Variants in ASTN2 observed in about 807,000 individuals in gnomAD.
ASTN2 encodes the protein astrotactin-2.
Under a neutral mutation model 139.8 loss-of-function variants are expected in ASTN2, and 54 were observed. The observed-to-expected ratio is 0.39, with a 90% CI of 0.31 to 0.48. The LOEUF (loss-of-function observed/expected upper bound fraction) is 0.48. ASTN2 is among the 20% of genes least tolerant of loss of function. ASTN2 has a pLI of 0.95. For synonymous variants in ASTN2, 756 were observed against 719.5 expected (o/e 1.05, Z -0.81); for missense variants, 1,565 against 1,725.1 (o/e 0.91, Z 1.64).
At chr9:117,404,909 G>A (rs1830939515) in intron 1 of ASTN2, among the ~76,000 whole-genome samples, 1 of 152,096 alleles carries the variant, frequency 6.6e-6, no homozygotes, top group Non-Finnish European at 1.5e-5. Flanking sequence ...AAAGAATAGA[G>A]GGAGGGAAGG....
intron 1 of ASTN2, among the ~76,000 whole-genome samples, chr9:117,317,524 C>T (rs1278618073): frequency 2.0e-5 from 3 of 152,268 alleles, no homozygotes; most frequent in Middle Eastern, 3.4e-3. Flanking sequence ...TAACTGGTTC[C>T]AAGATAGCTA....
intron 10 of ASTN2, among the ~76,000 whole-genome samples, chr9:116,875,953 C>G (rs1833285178): frequency 6.6e-6 from 1 of 152,080 alleles, no homozygotes; most frequent in African/African-American, 2.4e-5. Context: ...ACACAGCATC[C>G]TTTTTTGCAG....
intron 4 of ASTN2, among the ~76,000 whole-genome samples, chr9:117,112,383 T>A (rs1000913696): frequency 1.4e-4 from 21 of 152,148 alleles, no homozygotes; most frequent in Non-Finnish European, 1.9e-4. Flanking sequence ...TGCTTGTTTT[T>A]AAGATCTATT....
At chr9:117,291,818 T>G (rs1443701166) in intron 1 of ASTN2, among the ~76,000 whole-genome samples, 1 of 152,200 alleles carries the variant, frequency 6.6e-6, no homozygotes, top group Admixed American at 6.5e-5. Context: ...GGAATGAAAC[T>G]AAGGATAAAA....
chr9:117,043,567 G>C (rs1838642162), intron 5 of ASTN2, among the ~76,000 whole-genome samples: 1 of 152,134 alleles, frequency 6.6e-6, no homozygotes, highest in Non-Finnish European at 1.5e-5. Flanking sequence ...GGACTAAATT[G>C]TGTCTCCTAT....
At chr9:117,254,068 G>T (rs1053217291) in intron 2 of ASTN2, among the ~76,000 whole-genome samples, 1 of 152,092 alleles carries the variant, frequency 6.6e-6, no homozygotes, top group African/African-American at 2.4e-5. Flanking sequence ...AGGTTCCAAC[G>T]CCAGCTTTGC....
intron 4 of ASTN2, among the ~76,000 whole-genome samples, chr9:117,110,965 G>A (rs1829234580): frequency 6.6e-6 from 1 of 152,114 alleles, no homozygotes; most frequent in Non-Finnish European, 1.5e-5. Context: ...CCATATCTCC[G>A]GCTGACCTCT....
chr9:117,101,879 G>A (rs916445067), intron 4 of ASTN2, among the ~76,000 whole-genome samples: 1 of 152,166 alleles, frequency 6.6e-6, no homozygotes. Context: ...ATGGAAAATA[G>A]CAGATGTTGG....
chr9:117,095,068 G>A (rs1224454982), intron 5 of ASTN2, among the ~76,000 whole-genome samples: 1 of 152,198 alleles, frequency 6.6e-6, no homozygotes. Context: ...ACACCTCTTT[G>A]TGGAGGTAGG....
At chr9:117,193,875 C>A (rs1831417850) in intron 3 of ASTN2, among the ~76,000 whole-genome samples, 1 of 152,150 alleles carries the variant, frequency 6.6e-6, no homozygotes, top group Non-Finnish European at 1.5e-5. Context: ...TCCCCAGGCT[C>A]TCTGAAAACT....
chr9:117,019,163 C>A (rs1837801172), intron 6 of ASTN2, among the ~76,000 whole-genome samples: 1 of 151,620 alleles, frequency 6.6e-6, no homozygotes, highest in African/African-American at 2.4e-5. Flanking sequence ...ATAAATCATA[C>A]CATGTTGAAA....
At chr9:117,375,272 G>A (rs776800307) in intron 1 of ASTN2, among the ~76,000 whole-genome samples, 5 of 152,206 alleles carry the variant, frequency 3.3e-5, no homozygotes, top group South Asian at 4.1e-4. Flanking sequence ...GTGTTTGGAA[G>A]GTCATCATCC....
intron 6 of ASTN2, among the ~76,000 whole-genome samples, chr9:117,020,038 G>GTGTA (rs1249377673): frequency 2.1e-5 from 3 of 144,698 alleles, no homozygotes; most frequent in Non-Finnish European, 4.5e-5. Context: ...GTGTGTGTGT[G>GTGTA]TGTGTGTATG....
intron 10 of ASTN2, among the ~76,000 whole-genome samples, chr9:116,915,471 G>A (rs1294357015): frequency 6.6e-6 from 1 of 152,134 alleles, no homozygotes; most frequent in Non-Finnish European, 1.5e-5. Context: ...GTGATTCTTG[G>A]TGGGATCCTG....
intron 19 of ASTN2, among the ~76,000 whole-genome samples, chr9:116,508,801 A>C (rs1850227582): frequency 6.6e-6 from 1 of 152,140 alleles, no homozygotes; most frequent in African/African-American, 2.4e-5. Flanking sequence ...TACACAAGAC[A>C]AAAGGATAAT....
chr9:116,435,649 C>T (rs1470510505), intron 22 of ASTN2, among the ~76,000 whole-genome samples: 1 of 152,230 alleles, frequency 6.6e-6, no homozygotes, highest in Non-Finnish European at 1.5e-5. Flanking sequence ...GACTCTCTCC[C>T]TTCCACCTGG....
intron 1 of ASTN2, among the ~76,000 whole-genome samples, chr9:117,387,878 T>C (rs1430499925): frequency 6.6e-6 from 1 of 152,192 alleles, no homozygotes; most frequent in Non-Finnish European, 1.5e-5. Flanking sequence ...TCACCTGGTC[T>C]TTATAGAGCC....
chr9:116,734,943 CTA>C (rs1278791373), intron 13 of ASTN2, among the ~76,000 whole-genome samples: 1 of 152,182 alleles, frequency 6.6e-6, no homozygotes. Context: ...TCTTTGTCAT[CTA>C]TATTATTCAT....
chr9:117,144,866 A>G (rs1398709884), intron 3 of ASTN2, among the ~76,000 whole-genome samples: 1 of 151,616 alleles, frequency 6.6e-6, no homozygotes, highest in East Asian at 1.9e-4. Flanking sequence ...GATTTTTAGT[A>G]GAGGTGGGGT....
Sources: gnomAD v4.1 joint callset for allele counts (sites outside exome capture counted in the v4.1 genomes callset) on GRCh38, gnomAD v4.1.1 for gene constraint, MANE v1.5 for transcripts, NCBI Gene and HGNC (gene_info 2026-07-23, HGNC 2026-07-21) for gene names.